CFAP57: variants seen among roughly 807,000 people sequenced by gnomAD.
CFAP57 encodes cilia- and flagella-associated protein 57.
A neutral mutation model predicts 146.8 loss-of-function variants in CFAP57; 116 were observed. The observed-to-expected ratio is 0.79, with a 90% CI of 0.68 to 0.92. The LOEUF is 0.92. CFAP57 is among the 40% of genes least tolerant of loss of function. The pLI is 0.00. For synonymous variants in CFAP57, 518 were observed against 552.8 expected (o/e 0.94, Z 0.88); for missense variants, 1,377 against 1,527.2 (o/e 0.90, Z 1.64).
At chr1:43,249,248 G>A (rs1646239481) in intron 22 of CFAP57, among the ~76,000 whole-genome samples, 1 of 151,654 alleles carries the variant, frequency 6.6e-6, no homozygotes, top group Non-Finnish European at 1.5e-5. Context: ...CATAGCCAAT[G>A]AGCATCAAAA....
At position 43,181,633 on chromosome 1, in the gene CFAP57, T is replaced by A; in HGVS notation, c.257T>A (p.Ile86Asn). The A allele has an allele frequency of 6.2e-7, 1 of 1,614,254 alleles. No homozygotes were observed. The highest frequency in any genetic ancestry group is 1.7e-5 in the Admixed American group (1 of 60,028). Residue 86 changes from isoleucine to asparagine, a missense_variant, in exon 3 of 23, where the codon ATT becomes AAT. Transcript: ENST00000372492. ...GTGCAAGAAAAACCTGCCATCACCATTTATGAATTGTCATCCATCCCTTGC... is the reference window on the plus strand; with the variant it reads ...GTGCAAGAAAAACCTGCCATCACCAATTATGAATTGTCATCCATCCCTTGC... ...ETVQEKPAIT[I>N]YELSSIPCRK...
intron 21 of CFAP57, among the ~76,000 whole-genome samples, chr1:43,241,855 T>A (rs899886180): frequency 2.6e-5 from 4 of 152,154 alleles, no homozygotes; most frequent in Non-Finnish European, 1.5e-5. Context: ...GGCTGTGGGC[T>A]CTAAGAGCAA....
Position 43,232,625 on chromosome 1 carries a change from G to A in CFAP57, c.3126+1G>A. The A allele has an allele frequency of 2.6e-6, 4 of 1,530,768 alleles. No individual in the cohort carries two copies. Among genetic ancestry groups the A allele is most frequent in the Non-Finnish European group, 3.5e-6 (4 of 1,132,152 alleles). 94.8% of individuals were successfully genotyped at this position (1,530,768 alleles called of 1,614,324 possible). On this transcript the variant is annotated splice_donor_variant, in intron 19 of 22. Transcript: ENST00000372492. LOFTEE classifies it high-confidence loss of function. ...GGAGATGCGCAGAGAGAGACAGAAG[G>A]TGTGAGGGTTTCAGAGTCTGGCAGT...
At chr1:43,210,309 T>G in intron 11 of CFAP57, 1 of 1,419,136 alleles carries the variant, frequency 7.0e-7, no homozygotes, top group Non-Finnish European at 9.2e-7. Context: ...TCCCTGAGGG[T>G]ACAAAAGGCC....
At position 43,176,823 on chromosome 1, in the gene CFAP57, G is replaced by T. The variant is rs1209933768; in HGVS notation, c.157+3913G>T. Among the ~76,000 whole-genome samples, 5 of 152,226 alleles carry T rather than the reference G, an allele frequency of 3.3e-5. No homozygotes were observed. The East Asian group carries it at 9.6e-4, about 29-fold the overall frequency. On this transcript the variant is annotated intron_variant, in intron 2 of 22. Coordinates refer to ENST00000372492, the MANE Select transcript of CFAP57 (RefSeq NM_001378189.1). ...GGGCTCACTGAGCAGTGATTTTTGA[G>T]TGAAGACTGAAGGAAAGGAAGGAGC... is the stretch of plus-strand genomic sequence containing the variant.
chr1:43,248,378 C>T lies in CFAP57; in HGVS notation c.3538+5019C>T, dbSNP rs568582814. Among the ~76,000 whole-genome samples, 157 of 146,076 alleles carry T rather than the reference C, an allele frequency of 1.1e-3. 1 individual carries two copies. The highest frequency in any genetic ancestry group is 9.6e-4 in the Admixed American group (14 of 14,550). ...TGTCGCCCAGGCTGGAGTGCAGTGG[C>T]GCAATCTCGGCTCACTGCAAGCCCT... On this transcript the variant is annotated intron_variant, in intron 22 of 22. Coordinates refer to ENST00000372492, the MANE Select transcript of CFAP57 (RefSeq NM_001378189.1).
intron 14 of CFAP57, 65 bp from the exon 15 acceptor site, chr1:43,222,040 C>T (rs1645066200): frequency 2.1e-6 from 3 of 1,428,486 alleles, no homozygotes; most frequent in East Asian, 2.7e-5. Context: ...GCGCCCAAGG[C>T]TCCTGGGTGT....
Position 43,198,574 on chromosome 1 carries a change from A to C in CFAP57, c.1356A>C (p.Lys452Asn). The C allele has an allele frequency of 6.2e-7, 1 of 1,614,136 alleles. No individual in the cohort carries two copies. Among genetic ancestry groups the C allele is most frequent in the Non-Finnish European group, 8.5e-7 (1 of 1,180,020 alleles). ...TCATTGTAGTAGGGTTTGCTGACAA[A>C]CTACGCCTCATGAATCTACTCATTG... ...GHFIVVGFAD[K>N]LRLMNLLIDD... The change falls in exon 8 of 23, where the codon AAA becomes AAC. Residue 452 changes from lysine (K) to asparagine (N), a missense_variant. Coordinates refer to ENST00000372492, the MANE Select transcript of CFAP57 (RefSeq NM_001378189.1).
At position 43,201,366 on chromosome 1, in the gene CFAP57, T is replaced by C. The variant is rs931695539; in HGVS notation, c.1542+1863T>C. 6.6e-6 allele frequency among the ~76,000 whole-genome samples: 1 copy of C among 152,244 alleles called. No individual in the cohort carries two copies. Among genetic ancestry groups the C allele is most frequent in the Non-Finnish European group, 1.5e-5 (1 of 68,036 alleles). ...TCTGAAAGGTTGAAGTGGTCAGTGG[T>C]ACTAGATGTCAGAGGGAGGTCATGT... On this transcript the variant is annotated intron_variant, in intron 9 of 22. Coordinates refer to ENST00000372492, the MANE Select transcript of CFAP57 (RefSeq NM_001378189.1). The surrounding 1 kb of genome is among the most constrained non-coding windows in gnomAD (Gnocchi z 4.4).
intron 16 of CFAP57, among the ~76,000 whole-genome samples, chr1:43,223,416 C>T (rs575143713): frequency 2.0e-5 from 3 of 152,262 alleles, no homozygotes; most frequent in South Asian, 2.1e-4. Context: ...GAGTCATGGG[C>T]GGCTCCTGTT....
At chr1:43,202,899 C>T (rs1046033681) in intron 9 of CFAP57, among the ~76,000 whole-genome samples, 3 of 151,846 alleles carry the variant, frequency 2.0e-5, no homozygotes, top group South Asian at 2.1e-4. Flanking sequence ...GTAGGCTGGG[C>T]GCAGTGGCTC....
In CFAP57 at chr1:43,222,255, A is replaced by G. The variant is rs1183373023; in HGVS notation, c.2492A>G (p.Tyr831Cys). Reference sequence around the variant, plus strand: ...GCCCTGGAGGAGCTGACTGAGTTTTACGAGGCAAAACTGCAGGAGAAAACC... The same window carrying G: ...GCCCTGGAGGAGCTGACTGAGTTTTGCGAGGCAAAACTGCAGGAGAAAACC... ...SQALEELTEF[Y>C]EAKLQEKTTL... The change falls in exon 15 of 23, where the codon TAC (tyrosine) becomes TGC (cysteine). Residue 831 changes from tyrosine (Y) to cysteine (C), a missense_variant. By Grantham distance (194) the Tyr-to-Cys change is radical. Coordinates refer to ENST00000372492, the MANE Select transcript of CFAP57 (RefSeq NM_001378189.1). 1.4e-6 allele frequency: 2 copies of G among 1,475,966 alleles called. No individual in the cohort carries two copies. Among genetic ancestry groups the G allele is most frequent in the African/African-American group, 2.9e-5 (2 of 69,894 alleles). 91.4% of individuals were successfully genotyped at this position (1,475,966 alleles called of 1,614,324 possible). A position where few individuals can be genotyped will look rare whatever the true frequency, so the allele number is the denominator to read the frequency against.
chr1:43,185,960 A>G (rs950599312), intron 5 of CFAP57, among the ~76,000 whole-genome samples: 5 of 151,756 alleles, frequency 3.3e-5, no homozygotes, highest in Admixed American at 1.3e-4. Context: ...GTAGCCAGGT[A>G]TGGTGGCACG....
chr1:43,248,581 A>G (rs1393926856), intron 22 of CFAP57, among the ~76,000 whole-genome samples: 2 of 151,906 alleles, frequency 1.3e-5, no homozygotes, highest in Non-Finnish European at 2.9e-5. Context: ...CAGCCTCCCA[A>G]AGTGCTGGGA....
rs771351512 is a variant in CFAP57 at position 43,215,260 on chromosome 1, G to T, written c.1935G>T (p.Leu645Phe). Residue 645 changes from leucine to phenylalanine, a missense_variant, in exon 12 of 23, where the codon TTG becomes TTT. Physicochemically the swap from Leu to Phe is conservative, Grantham distance 22. Transcript: ENST00000372492. The part of the protein sequence containing the change: ...QAHAGPITKM[L>F]LTFDDQFLLT... ...ATGACCCTTTTTCTCTTCAGATGTT[G>T]CTTACCTTTGATGATCAGTTCCTGC... 4.5e-6 allele frequency: 7 copies of T among 1,550,992 alleles called. No homozygotes were observed. Among genetic ancestry groups the T allele is most frequent in the Non-Finnish European group, 5.2e-6 (6 of 1,147,048 alleles).
intron 22 of CFAP57, among the ~76,000 whole-genome samples, chr1:43,246,124 G>A (rs1431641453): frequency 2.0e-5 from 3 of 152,206 alleles, no homozygotes; most frequent in Non-Finnish European, 4.4e-5. Flanking sequence ...CAGATTCACT[G>A]CAATCCCTAT....
intron 9 of CFAP57, among the ~76,000 whole-genome samples, chr1:43,202,285 G>T (rs1644158600): frequency 6.6e-6 from 1 of 152,032 alleles, no homozygotes; most frequent in African/African-American, 2.4e-5. Context: ...CAAATAAAAG[G>T]CAGGAAATAA....
At chr1:43,230,259 C>T (rs967283076) in intron 18 of CFAP57, among the ~76,000 whole-genome samples, 7 of 152,146 alleles carry the variant, frequency 4.6e-5, no homozygotes, top group Admixed American at 4.6e-4. Flanking sequence ...AAACAGAAGC[C>T]CCCTTTCTCT....
chr1:43,191,689 G>C (rs1012307864), intron 6 of CFAP57, among the ~76,000 whole-genome samples: 2 of 147,538 alleles, frequency 1.4e-5, no homozygotes, highest in Non-Finnish European at 3.0e-5. Context: ...TAAAGAATCA[G>C]CTTTCGGTTT....
Sources: gnomAD v4.1 joint callset for allele counts (sites outside exome capture counted in the v4.1 genomes callset) on GRCh38, gnomAD v4.1.1 for gene constraint, Gnocchi (gnomAD v3.1) non-coding constraint, MANE v1.5 for transcripts, NCBI Gene and HGNC (gene_info 2026-07-23, HGNC 2026-07-21) for gene names.